RFX3: variants seen among roughly 807,000 people sequenced by gnomAD.
The protein encoded by RFX3 is regulatory factor X3.
A neutral mutation model predicts 98.6 loss-of-function variants in RFX3; 14 were observed. The ratio of observed to expected loss-of-function variants is 0.14; its 90% CI spans 0.09 to 0.22. RFX3 has a LOEUF of 0.22. RFX3 is among the 10% of genes least tolerant of loss of function. The pLI, the probability that RFX3 is intolerant of heterozygous loss-of-function variation, is 1.00. For synonymous variants in RFX3, 383 were observed against 328.4 expected (o/e 1.17, Z -1.80); for missense variants, 639 against 926.9 (o/e 0.69, Z 4.03).
At chr9:3,315,383 G>C (rs1270312281) in intron 4 of RFX3, among the ~76,000 whole-genome samples, 1 of 152,170 alleles carries the variant, frequency 6.6e-6, no homozygotes, top group Non-Finnish European at 1.5e-5. Context: ...AGTGTGTAGA[G>C]AGAAATTTAT....
At chr9:3,374,009 C>T (rs1373827355) in intron 2 of RFX3, among the ~76,000 whole-genome samples, 1 of 152,006 alleles carries the variant, frequency 6.6e-6, no homozygotes, top group Non-Finnish European at 1.5e-5. Context: ...ACCCGAGAGG[C>T]AGAGGTTGCA....
At chr9:3,416,667 C>T (rs115048969) in intron 1 of RFX3, among the ~76,000 whole-genome samples, 2 of 152,094 alleles carry the variant, frequency 1.3e-5, no homozygotes, top group African/African-American at 4.8e-5. Flanking sequence ...TTTGAAGGTA[C>T]ACTGTGATAA....
At chr9:3,343,253 G>C (rs1260497352) in intron 3 of RFX3, among the ~76,000 whole-genome samples, 1 of 152,186 alleles carries the variant, frequency 6.6e-6, no homozygotes, top group East Asian at 1.9e-4. Context: ...GCATGCACAG[G>C]TTGTAGGGCC....
rs547788516 is a variant in RFX3 at position 3,407,935 on chromosome 9, T to C, written c.-8-12339A>G. ...GGAATTTGAATTAGGGCTCAGAAAA[T>C]GTTAAAAATCAATGTGCCACAGTGA... is the stretch of plus-strand genomic sequence containing the variant. On this transcript the variant is annotated intron_variant, in intron 1 of 16. Coordinates refer to ENST00000617270, the MANE Select transcript of RFX3 (RefSeq NM_001282116.2). Among the ~76,000 whole-genome samples the C allele has an allele frequency of 9.2e-5, 14 of 152,140 alleles. No individual in the cohort carries two copies. The East Asian group carries it at 2.7e-3, about 29-fold the overall frequency.
At chr9:3,511,530 T>G (rs891144503) in intron 1 of RFX3, among the ~76,000 whole-genome samples, 1 of 152,090 alleles carries the variant, frequency 6.6e-6, no homozygotes, top group Non-Finnish European at 1.5e-5. Context: ...AGCTCTTAGA[T>G]GTCTCTTCCT....
intron 4 of RFX3, among the ~76,000 whole-genome samples, chr9:3,313,750 A>C (rs1440564895): frequency 6.6e-6 from 1 of 152,236 alleles, no homozygotes; most frequent in Non-Finnish European, 1.5e-5. Flanking sequence ...AGCCGATTTG[A>C]TTAAGTGGAA....
chr9:3,322,933 A>G (rs1304648651), intron 4 of RFX3, among the ~76,000 whole-genome samples: 1 of 152,192 alleles, frequency 6.6e-6, no homozygotes, highest in Non-Finnish European at 1.5e-5. Context: ...ACAATTAAAC[A>G]TCACATCTTC....
At chr9:3,468,491 G>A (rs1244260678) in intron 1 of RFX3, among the ~76,000 whole-genome samples, 1 of 152,170 alleles carries the variant, frequency 6.6e-6, no homozygotes, top group Non-Finnish European at 1.5e-5. Context: ...ATTTCTTGTA[G>A]AGAGAAACTT....
chr9:3,314,115 C>T (rs1830288469), intron 4 of RFX3, among the ~76,000 whole-genome samples: 1 of 152,122 alleles, frequency 6.6e-6, no homozygotes, highest in South Asian at 2.1e-4. Context: ...TTAAGGGCAG[C>T]CAGAGAGAAA....
intron 1 of RFX3, among the ~76,000 whole-genome samples, chr9:3,492,651 G>A (rs1231843361): frequency 4.6e-5 from 7 of 152,158 alleles, no homozygotes; most frequent in Admixed American, 4.6e-4. Context: ...ATGATCTTGT[G>A]GGCATGCTAT....
chr9:3,271,841 T>C (rs1395705093), intron 9 of RFX3, among the ~76,000 whole-genome samples: 3 of 152,046 alleles, frequency 2.0e-5, no homozygotes, highest in Non-Finnish European at 4.4e-5. Flanking sequence ...GCAGAAACCA[T>C]GGAGTCAGCA....
intron 3 of RFX3, 55 bp from the exon 4 acceptor site, chr9:3,330,572 A>T (rs916433701): frequency 2.7e-6 from 4 of 1,491,448 alleles, no homozygotes; most frequent in African/African-American, 1.4e-5. Context: ...CATCTTATTA[A>T]TTTTTTTCTA....
chr9:3,325,270 GAATA>G (rs1343135934), intron 4 of RFX3, among the ~76,000 whole-genome samples: 2 of 151,896 alleles, frequency 1.3e-5, no homozygotes, highest in South Asian at 2.1e-4. Context: ...GCCAAACCAA[GAATA>G]AATAAATAAA....
At chr9:3,227,801 T>C (rs947846388) in intron 16 of RFX3, among the ~76,000 whole-genome samples, 2 of 152,220 alleles carry the variant, frequency 1.3e-5, no homozygotes, top group Non-Finnish European at 2.9e-5. Flanking sequence ...CTATAGAGTA[T>C]ATATTTGTAG....
intron 15 of RFX3, among the ~76,000 whole-genome samples, chr9:3,244,929 A>G (rs1820446741): frequency 6.6e-6 from 1 of 152,206 alleles, no homozygotes; most frequent in Admixed American, 6.5e-5. Context: ...GTATCTGCAC[A>G]ATAAAAACTT....
At chr9:3,235,073 C>T (rs577029504) in intron 15 of RFX3, among the ~76,000 whole-genome samples, 2 of 152,272 alleles carry the variant, frequency 1.3e-5, no homozygotes, top group East Asian at 1.9e-4. Flanking sequence ...TGTACGCATT[C>T]GTGGATGAAG....
chr9:3,345,720 T>C (rs1834377503), intron 3 of RFX3, among the ~76,000 whole-genome samples: 1 of 152,170 alleles, frequency 6.6e-6, no homozygotes, highest in Non-Finnish European at 1.5e-5. Flanking sequence ...TGTTTTTAGT[T>C]ATAATAATAA....
chr9:3,512,439 A>G (rs569089651), intron 1 of RFX3, among the ~76,000 whole-genome samples: 31 of 152,116 alleles, frequency 2.0e-4, no homozygotes, highest in African/African-American at 7.5e-4. Context: ...TTTTTACTAT[A>G]TACTGACTTT....
chr9:3,397,122 A>G (rs1840975555), intron 1 of RFX3, among the ~76,000 whole-genome samples: 1 of 152,230 alleles, frequency 6.6e-6, no homozygotes, highest in South Asian at 2.1e-4. Flanking sequence ...CTCATTCACA[A>G]TTAAACATGC....
Sources: allele counts gnomAD v4.1 joint callset (sites outside exome capture counted in the v4.1 genomes callset), GRCh38; gene constraint gnomAD v4.1.1; transcripts MANE v1.5; gene names NCBI Gene and HGNC (gene_info 2026-07-23, HGNC 2026-07-21).